NRG3: variants seen among roughly 807,000 people sequenced by gnomAD.
NRG3 encodes neuregulin 3.
A neutral mutation model predicts 66.9 loss-of-function variants in NRG3; 31 were observed. The observed-to-expected ratio is 0.46, with a 90% CI of 0.35 to 0.63. The LOEUF is 0.63. Ranked by LOEUF, NRG3 falls within the 20% of genes least tolerant of loss-of-function variation. NRG3 has a pLI of 0.00. For missense variants in NRG3, 910 were observed against 878.9 expected (o/e 1.04, Z -0.45); for synonymous variants, 393 against 359.4 (o/e 1.09, Z -1.06).
At chr10:82,851,464 T>A (rs1716697893) in intron 3 of NRG3, among the ~76,000 whole-genome samples, 1 of 152,184 alleles carries the variant, frequency 6.6e-6, no homozygotes, top group South Asian at 2.1e-4. Context: ...ACATTTTGGA[T>A]TTTTTTCCAT....
At chr10:81,892,448 T>G (rs976385672) in intron 1 of NRG3, among the ~76,000 whole-genome samples, 5 of 152,112 alleles carry the variant, frequency 3.3e-5, no homozygotes, top group Non-Finnish European at 7.3e-5. Context: ...TAAATGGAAC[T>G]CTTACTTGCT....
chr10:82,892,283 CA>C (rs1314397150), intron 4 of NRG3, among the ~76,000 whole-genome samples: 10 of 146,950 alleles, frequency 6.8e-5, no homozygotes, highest in Non-Finnish European at 1.1e-4. Flanking sequence ...TCAGTGTAGC[CA>C]AAAAAAAAGG....
chr10:82,572,801 G>A (rs2045819193), intron 2 of NRG3, among the ~76,000 whole-genome samples: 1 of 151,676 alleles, frequency 6.6e-6, no homozygotes, highest in Non-Finnish European at 1.5e-5. Flanking sequence ...ACAAGTCAAG[G>A]GTGTGAGGAG....
chr10:82,377,429 TGTGCGC>T (rs1033820330), intron 2 of NRG3, among the ~76,000 whole-genome samples: 8 of 118,340 alleles, frequency 6.8e-5, no homozygotes, highest in African/African-American at 4.0e-4. Flanking sequence ...TATGTGTGTG[TGTGCGC>T]GTGTGTGTGT....
At chr10:82,945,089 G>T (rs556510059) in intron 4 of NRG3, among the ~76,000 whole-genome samples, 3 of 152,174 alleles carry the variant, frequency 2.0e-5, no homozygotes, top group Admixed American at 1.3e-4. Context: ...AGAAAGTCAC[G>T]GTATGAAGAA....
chr10:82,701,116 A>G (rs1260960210), intron 2 of NRG3, among the ~76,000 whole-genome samples: 1 of 152,062 alleles, frequency 6.6e-6, no homozygotes, highest in African/African-American at 2.4e-5. Flanking sequence ...ATCAGTTATA[A>G]CAATTGTATA....
intron 3 of NRG3, among the ~76,000 whole-genome samples, chr10:82,859,412 G>T (rs551421541): frequency 6.6e-6 from 1 of 152,114 alleles, no homozygotes; most frequent in African/African-American, 2.4e-5. Context: ...ACATTGTGTC[G>T]CTTTGTCCCA....
chr10:82,204,449 A>T (rs1459790172), intron 1 of NRG3, among the ~76,000 whole-genome samples: 1 of 152,182 alleles, frequency 6.6e-6, no homozygotes, highest in Non-Finnish European at 1.5e-5. Flanking sequence ...GAGGACAACC[A>T]CTGTATATGA....
chr10:82,053,316 G>C (rs1221686784), intron 1 of NRG3, among the ~76,000 whole-genome samples: 2 of 152,078 alleles, frequency 1.3e-5, no homozygotes, highest in Non-Finnish European at 2.9e-5. Context: ...AAGGATGAGG[G>C]TTGGATTGTG....
intron 3 of NRG3, among the ~76,000 whole-genome samples, chr10:82,803,032 A>G (rs1435968048): frequency 1.3e-5 from 2 of 152,140 alleles, no homozygotes; most frequent in Non-Finnish European, 2.9e-5. Context: ...CTGAACTAAC[A>G]CAAAGATTTT....
At chr10:82,643,552 T>G (rs2050725158) in intron 2 of NRG3, among the ~76,000 whole-genome samples, 1 of 152,098 alleles carries the variant, frequency 6.6e-6, no homozygotes, top group South Asian at 2.1e-4. Flanking sequence ...TAATAATATA[T>G]TATTGCTTAT....
intron 2 of NRG3, among the ~76,000 whole-genome samples, chr10:82,360,604 A>T (rs1032094513): frequency 3.3e-5 from 5 of 152,202 alleles, no homozygotes; most frequent in Non-Finnish European, 7.3e-5. Flanking sequence ...GCATATGGCT[A>T]TGCTGTATTC....
At chr10:82,329,269 T>G (rs554315345) in intron 1 of NRG3, among the ~76,000 whole-genome samples, 1 of 152,282 alleles carries the variant, frequency 6.6e-6, no homozygotes, top group South Asian at 2.1e-4. Context: ...TTTCCTTGAT[T>G]CTATATCCAT....
intron 2 of NRG3, among the ~76,000 whole-genome samples, chr10:82,410,435 A>T (rs1056704923): frequency 7.1e-6 from 1 of 141,080 alleles, no homozygotes; most frequent in African/African-American, 2.8e-5. Flanking sequence ...CACATACTGT[A>T]TGAGTCCATA....
intron 1 of NRG3, among the ~76,000 whole-genome samples, chr10:82,325,188 C>CA (rs2081800784): frequency 6.8e-6 from 1 of 147,060 alleles, no homozygotes; most frequent in Admixed American, 6.8e-5. Context: ...TTCTTTCTTC[C>CA]TTTTTTTTTT....
At chr10:82,250,636 G>T (rs1250841722) in intron 1 of NRG3, among the ~76,000 whole-genome samples, 1 of 152,148 alleles carries the variant, frequency 6.6e-6, no homozygotes, top group Non-Finnish European at 1.5e-5. Context: ...CGTTGGTCTT[G>T]ACCCCTGCTT....
intron 2 of NRG3, among the ~76,000 whole-genome samples, chr10:82,494,874 G>T (rs1306271070): frequency 6.6e-6 from 1 of 152,040 alleles, no homozygotes; most frequent in Non-Finnish European, 1.5e-5. Flanking sequence ...GACATTGGCA[G>T]CTAAGAACTT....
At chr10:82,369,598 C>G (rs1178563914) in intron 2 of NRG3, among the ~76,000 whole-genome samples, 1 of 138,588 alleles carries the variant, frequency 7.2e-6, no homozygotes, top group Non-Finnish European at 1.5e-5. Flanking sequence ...CGGTGCCTGG[C>G]TTAGCTCCCA....
chr10:81,910,015 A>G (rs987835467), intron 1 of NRG3, among the ~76,000 whole-genome samples: 2 of 152,152 alleles, frequency 1.3e-5, no homozygotes, highest in Non-Finnish European at 2.9e-5. Context: ...ACTATTGCAC[A>G]CTAAAAAAGC....
Sources: gnomAD v4.1 joint callset for allele counts (sites outside exome capture counted in the v4.1 genomes callset) on GRCh38, gnomAD v4.1.1 for gene constraint, MANE v1.5 for transcripts, NCBI Gene and HGNC (gene_info 2026-07-23, HGNC 2026-07-21) for gene names.